Variants in USP6NL observed in about 807,000 individuals in gnomAD.
The protein encoded by USP6NL is USP6 N-terminal-like protein.
USP6NL carries 26 observed loss-of-function variants against 61.9 expected under a neutral mutation model. The observed-to-expected ratio is 0.42, with a 90% CI of 0.31 to 0.58. The LOEUF is 0.58. Among genes scored for constraint, USP6NL ranks in the 20% least tolerant of loss-of-function variants. The pLI, the probability that USP6NL is intolerant of heterozygous loss-of-function variation, is 0.16. For synonymous variants in USP6NL, 432 were observed against 390.1 expected, an observed-to-expected ratio of 1.11 and a Z score of -1.27; for missense variants, 1,114 against 1,034.3, an observed-to-expected ratio of 1.08 and a Z score of -1.06.
chr10:11,475,185 A>G (rs1174666301), intron 14 of USP6NL, among the ~76,000 whole-genome samples: 1 of 152,140 alleles, frequency 6.6e-6, no homozygotes, highest in Non-Finnish European at 1.5e-5. Context: ...GAAAACTAGG[A>G]AGCATTTACT....
intron 6 of USP6NL, among the ~76,000 whole-genome samples, chr10:11,507,348 C>T (rs540160525): frequency 6.6e-6 from 1 of 152,298 alleles, no homozygotes; most frequent in African/African-American, 2.4e-5. Context: ...TCTGAGACTG[C>T]ATAATATTAA....
intron 2 of USP6NL, among the ~76,000 whole-genome samples, chr10:11,530,264 C>T (rs1263364014): frequency 1.3e-5 from 2 of 152,114 alleles, no homozygotes; most frequent in Non-Finnish European, 2.9e-5. Context: ...TTATACCAGT[C>T]CCTTAATCCT....
In USP6NL at chr10:11,463,701, G is replaced by C; in HGVS notation, c.1227C>G (p.His409Gln). The C allele has an allele frequency of 1.9e-6, 3 of 1,612,840 alleles. No homozygotes were observed. The highest frequency in any genetic ancestry group is 2.5e-6 in the Non-Finnish European group (3 of 1,179,294). The change falls in exon 15 of 15, where the codon CAC (histidine) becomes CAG (glutamine). Residue 409 changes from histidine to glutamine, a missense_variant. By Grantham distance (24) the His-to-Gln change is conservative (BLOSUM62 0). Coordinates refer to ENST00000609104, the MANE Select transcript of USP6NL (RefSeq NM_014688.5). The surrounding 1 kb of genome is among the most constrained non-coding windows in gnomAD (Gnocchi z 6.3). The part of the protein sequence containing the change: ...ASGRRESGAP[H>Q]RRHEHSPHPQ... ...GGTGCGGGGAGTGCTCGTGCCTCCT[G>C]TGGGGCGCCCCGCTCTCCCTCCTGC...
chr10:11,514,852 A>T (rs1834886907), intron 5 of USP6NL, among the ~76,000 whole-genome samples: 1 of 152,204 alleles, frequency 6.6e-6, no homozygotes, highest in African/African-American at 2.4e-5. Context: ...AGTCAAGGAA[A>T]ATAATGCAAA....
At chr10:11,547,376 T>C (rs937896356) in intron 2 of USP6NL, among the ~76,000 whole-genome samples, 13 of 152,186 alleles carry the variant, frequency 8.5e-5, no homozygotes, top group African/African-American at 2.4e-4. Context: ...AGTTTCCAAA[T>C]GTCTCACAGC....
At chr10:11,531,640 G>A (rs953946110) in intron 2 of USP6NL, among the ~76,000 whole-genome samples, 1 of 148,444 alleles carries the variant, frequency 6.7e-6, no homozygotes, top group Non-Finnish European at 1.5e-5. Flanking sequence ...TTAAATATCA[G>A]TCCTCTCATT....
rs760042693 is a variant in USP6NL at position 11,511,294 on chromosome 10, G to C, written c.196-1619C>G. The stretch of plus-strand genomic sequence containing the variant: ...GTATATTTTCCTCATTATATTATTA[G>C]TGATAAACTGTTGCAGATGGTTCCA... On this transcript the variant is annotated intron_variant, in intron 5 of 14. Transcript: ENST00000609104. The surrounding 1 kb of genome is among the most constrained non-coding windows in gnomAD (Gnocchi z 4.9). Among the ~76,000 whole-genome samples, 2 of 152,084 alleles carry C rather than the reference G, an allele frequency of 1.3e-5. No individual in the cohort carries two copies. The highest frequency in any genetic ancestry group is 2.9e-5 in the Non-Finnish European group (2 of 68,024).
intron 2 of USP6NL, among the ~76,000 whole-genome samples, chr10:11,555,433 A>AAAAAATATATAT (rs1275798295): frequency 2.0e-5 from 1 of 49,038 alleles, no homozygotes; most frequent in Admixed American, 3.0e-4. Context: ...AAAAAAAAAA[A>AAAAAATATATAT]ATATATATAT....
At chr10:11,530,497 G>C (rs1261384444) in intron 2 of USP6NL, among the ~76,000 whole-genome samples, 1 of 152,202 alleles carries the variant, frequency 6.6e-6, no homozygotes, top group East Asian at 1.9e-4. Context: ...ATTGCATCCT[G>C]ATTTTTTGGG....
chr10:11,480,540 C>A (rs1434535909), intron 14 of USP6NL, among the ~76,000 whole-genome samples: 1 of 152,194 alleles, frequency 6.6e-6, no homozygotes, highest in Non-Finnish European at 1.5e-5. Context: ...ACAAAGGCAA[C>A]GGCTCCACAA....
At chr10:11,539,485 T>C (rs780873221) in intron 2 of USP6NL, among the ~76,000 whole-genome samples, 25 of 152,186 alleles carry the variant, frequency 1.6e-4, no homozygotes, top group South Asian at 8.3e-4. Flanking sequence ...AGTCACAGCT[T>C]AAAAGGATAT....
At chr10:11,579,276 A>G (rs919421132) in intron 2 of USP6NL, among the ~76,000 whole-genome samples, 1 of 152,250 alleles carries the variant, frequency 6.6e-6, no homozygotes, top group Non-Finnish European at 1.5e-5. Context: ...TCAGAATACC[A>G]TATGGAAAAA....
chr10:11,504,865 G>A (rs1329478767), intron 6 of USP6NL, among the ~76,000 whole-genome samples: 1 of 152,208 alleles, frequency 6.6e-6, no homozygotes, highest in African/African-American at 2.4e-5. Flanking sequence ...GGAGGTGCTG[G>A]TAGAGACAGA....
At position 11,494,689 on chromosome 10, in the gene USP6NL, A is replaced by C. The variant is rs140921126; in HGVS notation, c.385-1461T>G. 5.4e-3 allele frequency among the ~76,000 whole-genome samples: 814 copies of C among 151,880 alleles called. 7 individuals are homozygous for C. The highest frequency in any genetic ancestry group is 0.018 in the African/African-American group (738 of 41,160). On this transcript the variant is annotated intron_variant, in intron 7 of 14. Coordinates refer to ENST00000609104, the MANE Select transcript of USP6NL (RefSeq NM_014688.5). ...GGTAAGGTCATGTGGGTCACGTGTC[A>C]ACTGGACAGGGGGCCCTTTCCTGCC...
At chr10:11,516,527 C>T (rs183303926) in intron 5 of USP6NL, among the ~76,000 whole-genome samples, 2 of 152,258 alleles carry the variant, frequency 1.3e-5, no homozygotes, top group African/African-American at 4.8e-5. Context: ...AACTAAGAGG[C>T]TTCCAGCCTT....
chr10:11,567,135 G>T (rs972810954), intron 2 of USP6NL, among the ~76,000 whole-genome samples: 10 of 152,034 alleles, frequency 6.6e-5, no homozygotes, highest in East Asian at 1.9e-4. Context: ...AATGGGGGAG[G>T]GGAAAGAATG....
In USP6NL at chr10:11,596,290, T is replaced by C. The variant is rs1838323565; in HGVS notation, c.4+1341A>G. On this transcript the variant is annotated intron_variant, in intron 2 of 14. Coordinates refer to ENST00000609104, the MANE Select transcript of USP6NL (RefSeq NM_014688.5). The surrounding 1 kb of genome is among the most constrained non-coding windows in gnomAD (Gnocchi z 4.1). ...AGTTAGCACTTTACATTAGATAAAC[T>C]TTCTCACAAAATGTCATGATTGGAG... 6.6e-6 allele frequency among the ~76,000 whole-genome samples: 1 copy of C among 152,206 alleles called. No individual in the cohort carries two copies. Among genetic ancestry groups the C allele is most frequent in the Non-Finnish European group, 1.5e-5 (1 of 68,030 alleles).
chr10:11,594,954 A>G (rs925211145), intron 2 of USP6NL, among the ~76,000 whole-genome samples: 2 of 152,202 alleles, frequency 1.3e-5, no homozygotes, highest in African/African-American at 4.8e-5. Context: ...GGAGGCAGGC[A>G]GAGTGCTATG....
chr10:11,556,024 C>T (rs780390825), intron 2 of USP6NL, among the ~76,000 whole-genome samples: 91 of 152,172 alleles, frequency 6.0e-4, no homozygotes, highest in Non-Finnish European at 9.7e-4. Context: ...CAGAAAAACA[C>T]GAGCCTTGAT....
Sources: gnomAD v4.1 joint callset for allele counts (sites outside exome capture counted in the v4.1 genomes callset) on GRCh38, gnomAD v4.1.1 for gene constraint, Gnocchi (gnomAD v3.1) non-coding constraint, MANE v1.5 for transcripts, NCBI Gene and HGNC (gene_info 2026-07-23, HGNC 2026-07-21) for gene names.